FARP1: variants seen among roughly 807,000 people sequenced by gnomAD.
FARP1 encodes FERM, ARH/RhoGEF and pleckstrin domain protein 1.
Under a neutral mutation model 128.8 loss-of-function variants are expected in FARP1, and 52 were observed. That is an observed-to-expected ratio of 0.40 (90% CI 0.32 to 0.51). FARP1 has a LOEUF of 0.51. Among genes scored for constraint, FARP1 ranks in the 20% least tolerant of loss-of-function variants. The pLI is 0.45. For missense variants in FARP1, 1,333 were observed against 1,367.9 expected (o/e 0.97, Z 0.40); for synonymous variants, 580 against 551.8 (o/e 1.05, Z -0.72).
In FARP1 at chr13:98,440,662, T is replaced by C; in HGVS notation, c.2630-8T>C. ...ATCAGAAGTGCTGCCTTTTGCCCCA[T>C]CCTGTAGAGTCCCCTGATGAAGCCA... On this transcript the variant is annotated splice_region_variant and splice_polypyrimidine_tract_variant and intron_variant, in intron 23 of 26. Coordinates refer to ENST00000319562, the MANE Select transcript of FARP1 (RefSeq NM_005766.4). The C allele has an allele frequency of 6.2e-7, 1 of 1,610,864 alleles. No individual in the cohort carries two copies. The highest frequency in any genetic ancestry group is 1.1e-5 in the South Asian group (1 of 90,870).
intron 2 of FARP1, among the ~76,000 whole-genome samples, chr13:98,286,499 G>A (rs1347780170): frequency 6.6e-6 from 1 of 152,140 alleles, no homozygotes; most frequent in Non-Finnish European, 1.5e-5. Flanking sequence ...GTTTTATAAG[G>A]GGGTTCTGCT....
At chr13:98,311,826 C>T (rs963673760) in intron 2 of FARP1, among the ~76,000 whole-genome samples, 16 of 148,792 alleles carry the variant, frequency 1.1e-4, no homozygotes, top group Admixed American at 7.6e-4. Context: ...TCTTTTATTT[C>T]GTTTTGTTTT....
At chr13:98,207,800 AG>A (rs948621928) in intron 1 of FARP1, among the ~76,000 whole-genome samples, 2 of 152,078 alleles carry the variant, frequency 1.3e-5, no homozygotes, top group African/African-American at 4.8e-5. Flanking sequence ...ACCATGAGAC[AG>A]TGAACAGAAA....
At chr13:98,385,117 A>G (rs1214381343) in intron 7 of FARP1, among the ~76,000 whole-genome samples, 1 of 152,230 alleles carries the variant, frequency 6.6e-6, no homozygotes, top group East Asian at 1.9e-4. Context: ...CATCAAGCTA[A>G]TGACAAATTG....
chr13:98,393,548 T>C (rs1250383785), intron 11 of FARP1, 95 bp from the exon 12 acceptor site: 2 of 916,104 alleles, frequency 2.2e-6, no homozygotes, highest in African/African-American at 1.6e-5. Flanking sequence ...AAGGCACTAA[T>C]ACGTCCAACA....
intron 17 of FARP1, among the ~76,000 whole-genome samples, chr13:98,426,837 T>A (rs1328707118): frequency 2.6e-5 from 4 of 152,228 alleles, no homozygotes; most frequent in Non-Finnish European, 5.9e-5. Context: ...GCACAACAGA[T>A]AGAAGGATAA....
At chr13:98,446,606 C>G (rs1892851259) in intron 25 of FARP1, 60 bp from the exon 26 acceptor site, 5 of 1,562,880 alleles carry the variant, frequency 3.2e-6, no homozygotes, top group Non-Finnish European at 2.6e-6. Context: ...GGGGCAGCAG[C>G]CAGGCCCAGC....
chr13:98,438,452 G>A (rs1423323490), intron 19 of FARP1, among the ~76,000 whole-genome samples: 3 of 152,108 alleles, frequency 2.0e-5, no homozygotes, highest in Admixed American at 1.3e-4. Context: ...AGAGAGGCCC[G>A]GGCACTCTTG....
At chr13:98,407,497 T>G (rs1891028505) in intron 13 of FARP1, 1 of 152,204 alleles carries the variant, frequency 6.6e-6, no homozygotes, top group Non-Finnish European at 1.5e-5. Context: ...TGAAGCAATT[T>G]CTGGCCTTTT....
intron 1 of FARP1, among the ~76,000 whole-genome samples, chr13:98,212,147 C>T (rs1880761173): frequency 6.6e-6 from 1 of 152,252 alleles, no homozygotes; most frequent in African/African-American, 2.4e-5. Flanking sequence ...CCTCCACCTC[C>T]TGGCTTCAAG....
At chr13:98,443,804 A>C (rs1029907869) in intron 24 of FARP1, among the ~76,000 whole-genome samples, 1 of 9,086 alleles carries the variant, frequency 1.1e-4, no homozygotes, top group African/African-American at 1.7e-4. Flanking sequence ...GAGACGGGAC[A>C]GCAGGGAAGT....
At chr13:98,218,791 A>G (rs1881251629) in intron 2 of FARP1, among the ~76,000 whole-genome samples, 1 of 152,194 alleles carries the variant, frequency 6.6e-6, no homozygotes, top group East Asian at 1.9e-4. Flanking sequence ...ATGCTGTTTG[A>G]CCATGGGAAA....
At chr13:98,391,911 A>C (rs1186745088) in intron 11 of FARP1, among the ~76,000 whole-genome samples, 1 of 152,200 alleles carries the variant, frequency 6.6e-6, no homozygotes, top group African/African-American at 2.4e-5. Flanking sequence ...GTTTTTAAAA[A>C]ACTTTTTTCA....
At chr13:98,263,164 T>C (rs897744348) in intron 2 of FARP1, among the ~76,000 whole-genome samples, 1 of 152,096 alleles carries the variant, frequency 6.6e-6, no homozygotes, top group Non-Finnish European at 1.5e-5. Flanking sequence ...TGTGCCACCA[T>C]GCCTGGCTAA....
upstream of FARP1, among the ~76,000 whole-genome samples, chr13:98,142,946 AGCGGAGCGGG>A (rs1040979334): frequency 4.3e-4 from 65 of 149,802 alleles, no homozygotes; most frequent in Non-Finnish European, 1.5e-4. Flanking sequence ...GCCCGGGCGG[AGCGGAGCGGG>A]GCGGGGCGGG....
At chr13:98,414,435 A>G (rs1891302881) in intron 16 of FARP1, among the ~76,000 whole-genome samples, 1 of 152,206 alleles carries the variant, frequency 6.6e-6, no homozygotes, top group South Asian at 2.1e-4. Flanking sequence ...CATGATGAGG[A>G]GGACCTGGTG....
chr13:98,262,370 A>G (rs752410549), intron 2 of FARP1, among the ~76,000 whole-genome samples: 10 of 151,936 alleles, frequency 6.6e-5, no homozygotes, highest in Non-Finnish European at 1.2e-4. Context: ...CAGGCTCCAG[A>G]CATGTAATGT....
Position 98,176,924 on chromosome 13 carries a change from G to T in FARP1, c.-24+33432G>T. On this transcript the variant is annotated intron_variant, in intron 1 of 26. Transcript: ENST00000319562. This position sits in a 1 kb window ranked among gnomAD's most constrained non-coding sequence, Gnocchi z 6.2. ...TCAGCGGTGGCCCCCATGTCCTCTG[G>T]CCCCACAGGCTTCGCCGAGCGGGTG... 6.2e-7 allele frequency: 1 copy of T among 1,603,696 alleles called. No homozygotes were observed. Among genetic ancestry groups the T allele is most frequent in the Non-Finnish European group, 8.5e-7 (1 of 1,179,878 alleles).
At chr13:98,287,044 C>T (rs1481646926) in intron 2 of FARP1, among the ~76,000 whole-genome samples, 1 of 152,044 alleles carries the variant, frequency 6.6e-6, no homozygotes, top group Non-Finnish European at 1.5e-5. Flanking sequence ...ATGACATGCT[C>T]CCAATAAAAC....
Sources: allele counts gnomAD v4.1 joint callset (sites outside exome capture counted in the v4.1 genomes callset), GRCh38; gene constraint gnomAD v4.1.1; non-coding constraint Gnocchi (gnomAD v3.1); transcripts MANE v1.5; gene names NCBI Gene and HGNC (gene_info 2026-07-23, HGNC 2026-07-21).